Variants in MYZAP observed in about 807,000 individuals in gnomAD.
MYZAP encodes the protein GRINL1A complex locus upstream.
MYZAP carries 66 observed loss-of-function variants against 69.4 expected under a neutral mutation model. The observed-to-expected ratio is 0.95, with a 90% CI of 0.78 to 1.17. The LOEUF (loss-of-function observed/expected upper bound fraction) is 1.17. Among genes scored for constraint, MYZAP ranks in the 50% most tolerant of loss-of-function variants. The probability of loss-of-function intolerance (pLI) is 0.00; values close to 1 mark genes in which losing one functional copy is unlikely to be tolerated. For synonymous variants in MYZAP, 256 were observed against 205.9 expected (o/e 1.24, Z -2.09); for missense variants, 611 against 556.2 (o/e 1.10, Z -0.99).
chr15:57,668,352 G>C (rs2038694768), intron 11 of MYZAP, among the ~76,000 whole-genome samples: 3 of 152,148 alleles, frequency 2.0e-5, no homozygotes, highest in Admixed American at 6.5e-5. Context: ...AACTTTTTAA[G>C]AGACCGTCAG....
rs535454874 is a variant in MYZAP, at chr15:57,636,139, G to GTT, written c.934-1547_934-1546dup. On this transcript the variant is annotated intron_variant, in intron 8 of 12. Transcript: ENST00000267853. Reference sequence around the variant, plus strand: ...ACAGCCTTTTTCTTTCTTGTTTTTTGTTTTTTTTTTCTTTTTGGAGGGAGG... The same window carrying GTT: ...ACAGCCTTTTTCTTTCTTGTTTTTTGTTTTTTTTTTTTCTTTTTGGAGGGAGG... 2.7e-5 allele frequency among the ~76,000 whole-genome samples: 4 copies of GTT among 147,310 alleles called. No homozygotes were observed. The South Asian group carries it at 6.5e-4, about 24-fold the overall frequency.
At chr15:57,653,868 A>G (rs2037850954) in intron 10 of MYZAP, among the ~76,000 whole-genome samples, 1 of 151,760 alleles carries the variant, frequency 6.6e-6, no homozygotes, top group Admixed American at 6.6e-5. Context: ...AGCCAGGCAT[A>G]GTTGATCACA....
intron 11 of MYZAP, 95 bp downstream of exon 11, chr15:57,661,628 T>A (rs2038313526): frequency 1.8e-5 from 19 of 1,075,638 alleles, no homozygotes; most frequent in Non-Finnish European, 2.5e-5. Context: ...AATATGGCTA[T>A]TTCCCGGCCT....
At chr15:57,640,736 C>T (rs1399240161) in intron 10 of MYZAP, among the ~76,000 whole-genome samples, 12 of 152,042 alleles carry the variant, frequency 7.9e-5, no homozygotes, top group Non-Finnish European at 1.5e-5. Context: ...AAAAGTTTGT[C>T]CGCAAATGAG....
At chr15:57,637,630 T>A (rs1174094649) in intron 8 of MYZAP, 65 bp from the exon 9 acceptor site, 27 of 1,564,156 alleles carry the variant, frequency 1.7e-5, no homozygotes, top group Non-Finnish European at 3.5e-6. Flanking sequence ...CTAGAATTGC[T>A]AAATAGACAT....
intron 10 of MYZAP, 70 bp from the exon 11 acceptor site, chr15:57,661,380 C>T (rs1034914789): frequency 8.8e-7 from 1 of 1,130,338 alleles, no homozygotes; most frequent in Non-Finnish European, 1.3e-6. Flanking sequence ...GGCATCTATT[C>T]CAGTTGATAA....
At chr15:57,646,747 A>T in intron 10 of MYZAP, 1 of 985,648 alleles carries the variant, frequency 1.0e-6, no homozygotes, top group Non-Finnish European at 1.2e-6. Flanking sequence ...ATCAATACTC[A>T]TCTTAGGACT....
At chr15:57,605,576 A>G (rs1277894998) in intron 2 of MYZAP, among the ~76,000 whole-genome samples, 1 of 152,154 alleles carries the variant, frequency 6.6e-6, no homozygotes, top group African/African-American at 2.4e-5. Context: ...CCCACTTTCT[A>G]CCAAGGACAG....
intron 11 of MYZAP, among the ~76,000 whole-genome samples, chr15:57,663,296 A>G (rs2038403654): frequency 6.6e-6 from 1 of 151,114 alleles, no homozygotes. Context: ...CATGGGGAGT[A>G]ATCTTAGAAA....
chr15:57,617,805 A>C (rs1271559528), intron 2 of MYZAP, among the ~76,000 whole-genome samples: 2 of 152,290 alleles, frequency 1.3e-5, no homozygotes, highest in African/African-American at 4.8e-5. Flanking sequence ...AGGCCCTTAT[A>C]TACATTAGCA....
intron 11 of MYZAP, among the ~76,000 whole-genome samples, chr15:57,667,260 A>T (rs1404200793): frequency 6.6e-6 from 1 of 152,190 alleles, no homozygotes; most frequent in Non-Finnish European, 1.5e-5. Context: ...CATTCAGTGT[A>T]TGTGCTACAG....
At chr15:57,615,066 C>T (rs951556560) in intron 2 of MYZAP, among the ~76,000 whole-genome samples, 6 of 152,096 alleles carry the variant, frequency 3.9e-5, no homozygotes, top group African/African-American at 1.2e-4. Flanking sequence ...TGCTCCCCAG[C>T]GGGTAGAGTC....
At chr15:57,655,435 G>A (rs1426870424) in intron 10 of MYZAP, among the ~76,000 whole-genome samples, 10 of 152,174 alleles carry the variant, frequency 6.6e-5, no homozygotes, top group Non-Finnish European at 1.0e-4. Flanking sequence ...CATTAAAAGC[G>A]TAGGGGGTTT....
Position 57,639,501 on chromosome 15 carries a change from A to G in MYZAP, c.1075A>G (p.Met359Val), listed in dbSNP as rs748382882. ...TGAGCGGATCAGACACCTAGATGAC[A>G]TGGTGCATTGCCAGCAGAAGAAAGT... The part of the protein sequence containing the change: ...LRERIRHLDD[M>V]VHCQQKKVKQ... The change falls in exon 10 of 13, where the codon ATG (methionine) becomes GTG (valine). Residue 359 changes from methionine (M) to valine (V), a missense_variant. Transcript: ENST00000267853. 3 of 1,614,066 alleles carry G rather than the reference A, an allele frequency of 1.9e-6. No individual in the cohort carries two copies. Among genetic ancestry groups the G allele is most frequent in the South Asian group, 1.1e-5 (1 of 91,060 alleles).
intron 9 of MYZAP, among the ~76,000 whole-genome samples, chr15:57,638,558 C>T (rs191701170): frequency 1.1e-4 from 17 of 152,324 alleles, no homozygotes; most frequent in African/African-American, 4.1e-4. Flanking sequence ...TAACATAGTG[C>T]TGAGGCAGAG....
intron 11 of MYZAP, among the ~76,000 whole-genome samples, chr15:57,671,249 C>T (rs560059783): frequency 2.6e-5 from 4 of 152,148 alleles, no homozygotes; most frequent in African/African-American, 7.2e-5. Context: ...TTCTGGGTTC[C>T]ATGGTTTTTA....
chr15:57,592,197 G>A (rs953296613), intron 1 of MYZAP, 88 bp downstream of exon 1: 18 of 1,180,802 alleles, frequency 1.5e-5, no homozygotes, highest in Middle Eastern at 3.2e-4. Context: ...GAAAGCTCGG[G>A]AGCCAGCACC....
At chr15:57,677,348 C>T (rs1304991980) in intron 12 of MYZAP, among the ~76,000 whole-genome samples, 2 of 152,182 alleles carry the variant, frequency 1.3e-5, no homozygotes, top group Non-Finnish European at 2.9e-5. Context: ...TTGGAACTCC[C>T]GGTCTAGTTA....
At chr15:57,670,043 G>A (rs1450877519) in intron 11 of MYZAP, among the ~76,000 whole-genome samples, 1 of 152,028 alleles carries the variant, frequency 6.6e-6, no homozygotes, top group African/African-American at 2.4e-5. Context: ...TTATGGCTCA[G>A]CATATAGTTT....
Sources: allele counts gnomAD v4.1 joint callset (sites outside exome capture counted in the v4.1 genomes callset), GRCh38; gene constraint gnomAD v4.1.1; transcripts MANE v1.5; gene names NCBI Gene and HGNC (gene_info 2026-07-23, HGNC 2026-07-21).